Variants in RYR2 observed in about 807,000 individuals in gnomAD.
The protein encoded by RYR2 is cardiac muscle ryanodine receptor-calcium release channel.
In RYR2, 227 loss-of-function variants were observed where a neutral mutation model predicts 601.1. The ratio of observed to expected loss-of-function variants is 0.38; its 90% CI spans 0.34 to 0.42. The LOEUF is 0.42. RYR2 is among the 10% of genes least tolerant of loss of function. The pLI, the probability that RYR2 is intolerant of heterozygous loss-of-function variation, is 1.00. For synonymous variants in RYR2, 2,223 were observed against 2,175.1 expected, an observed-to-expected ratio of 1.02 and a Z score of -0.61; for missense variants, 4,646 against 6,156.5, an observed-to-expected ratio of 0.75 and a Z score of 8.21.
chr1:237,400,385 T>G (rs1703241582), intron 10 of RYR2, among the ~76,000 whole-genome samples: 2 of 152,202 alleles, frequency 1.3e-5, no homozygotes, highest in South Asian at 4.2e-4. Flanking sequence ...GGAATGACTG[T>G]GGAGATTTTT....
At chr1:237,579,506 C>T (rs766475153) in intron 29 of RYR2, among the ~76,000 whole-genome samples, 1 of 152,040 alleles carries the variant, frequency 6.6e-6, no homozygotes, top group African/African-American at 2.4e-5. Flanking sequence ...CCACCTGCCT[C>T]GGCCTCCCAA....
At chr1:237,470,295 T>C (rs1388384002) in intron 17 of RYR2, among the ~76,000 whole-genome samples, 6 of 152,320 alleles carry the variant, frequency 3.9e-5, no homozygotes, top group East Asian at 1.9e-4. Flanking sequence ...CCACTGTCCA[T>C]ACAAAATAGT....
chr1:237,360,440 A>G (rs1699683072), intron 4 of RYR2, among the ~76,000 whole-genome samples: 1 of 152,232 alleles, frequency 6.6e-6, no homozygotes, highest in African/African-American at 2.4e-5. Context: ...TCACAGAGAT[A>G]AAGTGTGAGA....
chr1:237,452,077 T>TGTGTGTGTGTG lies in RYR2; in HGVS notation c.1293-2314_1293-2313insGTGTGTGTGTG, dbSNP rs1553457209. ...TGGGGTGGGGAATATATATAAAATT[T>TGTGTGTGTGTG]TGTGTGTGTGTGTGTGTGTGTGTGT... On this transcript the variant is annotated intron_variant, in intron 14 of 104. Transcript: ENST00000366574. Among the ~76,000 whole-genome samples the TGTGTGTGTGTG allele has an allele frequency of 3.5e-3, 258 of 74,528 alleles. 5 individuals are homozygous for TGTGTGTGTGTG. Among genetic ancestry groups the TGTGTGTGTGTG allele is most frequent in the East Asian group, 0.016 (36 of 2,210 alleles). 48.9% of individuals were successfully genotyped at this position (74,528 alleles called of 152,430 possible). A position where few individuals can be genotyped will look rare whatever the true frequency, so the allele number is the denominator to read the frequency against.
At chr1:237,483,045 C>T (rs1332545008) in intron 17 of RYR2, among the ~76,000 whole-genome samples, 9 of 152,238 alleles carry the variant, frequency 5.9e-5, no homozygotes, top group East Asian at 3.9e-4. Context: ...CTCTGTGCCT[C>T]GCTGTGTCTC....
intron 1 of RYR2, among the ~76,000 whole-genome samples, chr1:237,144,654 T>A (rs1021743762): frequency 6.6e-6 from 1 of 152,242 alleles, no homozygotes; most frequent in African/African-American, 2.4e-5. Context: ...ACATCTCTTA[T>A]TTTTTATCTG....
chr1:237,127,960 G>T (rs1671711930), intron 1 of RYR2, among the ~76,000 whole-genome samples: 1 of 152,312 alleles, frequency 6.6e-6, no homozygotes, highest in Non-Finnish European at 1.5e-5. Flanking sequence ...AGGCAGAGAT[G>T]CTCCTCACTT....
At chr1:237,184,677 A>G (rs545841267) in intron 1 of RYR2, among the ~76,000 whole-genome samples, 1 of 152,308 alleles carries the variant, frequency 6.6e-6, no homozygotes, top group African/African-American at 2.4e-5. Flanking sequence ...TGGACTTATG[A>G]ACGGTCTAGG....
chr1:237,333,695 T>C (rs1696971784), intron 3 of RYR2: 2 of 455,124 alleles, frequency 4.4e-6, no homozygotes, highest in Admixed American at 2.4e-5. Context: ...ACTCCAAATA[T>C]CATCTTTTCT....
intron 54 of RYR2, 126 bp from the exon 55 acceptor site, chr1:237,659,859 A>G (rs1573386619): frequency 2.0e-6 from 1 of 512,786 alleles, no homozygotes. Context: ...ATAAAATTTC[A>G]ATCTTAACCC....
intron 1 of RYR2, among the ~76,000 whole-genome samples, chr1:237,126,584 C>T (rs1025699371): frequency 6.6e-6 from 1 of 152,130 alleles, no homozygotes. Context: ...CTTTCTTCCA[C>T]AGGTGTCAGA....
intron 1 of RYR2, among the ~76,000 whole-genome samples, chr1:237,256,799 A>G (rs1688030710): frequency 6.6e-6 from 1 of 152,166 alleles, no homozygotes; most frequent in South Asian, 2.1e-4. Context: ...TCGCTTTCTC[A>G]TCTTCTGTGC....
chr1:237,412,248 C>A (rs1424468094), intron 10 of RYR2, among the ~76,000 whole-genome samples: 1 of 151,956 alleles, frequency 6.6e-6, no homozygotes, highest in Admixed American at 6.6e-5. Flanking sequence ...TACTTATGAG[C>A]AGCGGAATTG....
chr1:237,529,205 C>T (rs568498788), intron 24 of RYR2, among the ~76,000 whole-genome samples: 28 of 152,202 alleles, frequency 1.8e-4, no homozygotes, highest in African/African-American at 5.5e-4. Context: ...CCTGTGAGTT[C>T]GTTTTTTATT....
At chr1:237,430,798 C>G (rs1706724711) in intron 12 of RYR2, among the ~76,000 whole-genome samples, 2 of 152,184 alleles carry the variant, frequency 1.3e-5, no homozygotes, top group South Asian at 4.1e-4. Context: ...ATAGAGATTG[C>G]CCAAAGCAAT....
intron 97 of RYR2, among the ~76,000 whole-genome samples, chr1:237,799,054 G>A (rs955673853): frequency 2.6e-5 from 4 of 152,110 alleles, no homozygotes; most frequent in Non-Finnish European, 5.9e-5. Flanking sequence ...AGATAGTTTA[G>A]CTGGCCTATC....
chr1:237,182,280 C>A (rs1324550539), intron 1 of RYR2, among the ~76,000 whole-genome samples: 1 of 152,040 alleles, frequency 6.6e-6, no homozygotes, highest in African/African-American at 2.4e-5. Context: ...CACCACCACG[C>A]CCAGCTTATT....
intron 64 of RYR2, among the ~76,000 whole-genome samples, chr1:237,699,886 A>G (rs1440471671): frequency 6.6e-6 from 1 of 152,206 alleles, no homozygotes; most frequent in Non-Finnish European, 1.5e-5. Context: ...GCCTCAGGAA[A>G]CATTCTAGTT....
chr1:237,355,144 T>C (rs773331091), intron 3 of RYR2, among the ~76,000 whole-genome samples: 53 of 152,128 alleles, frequency 3.5e-4, no homozygotes, highest in Non-Finnish European at 7.1e-4. Context: ...CTTTCATACA[T>C]GAAGGGTGTG....
Sources: gnomAD v4.1 joint callset for allele counts (sites outside exome capture counted in the v4.1 genomes callset) on GRCh38, gnomAD v4.1.1 for gene constraint, MANE v1.5 for transcripts, NCBI Gene and HGNC (gene_info 2026-07-23, HGNC 2026-07-21) for gene names.